The following SNX13 variants were observed in gnomAD, a reference collection of about 807,000 sequenced individuals.
The protein encoded by SNX13 is sorting nexin-13.
Under a neutral mutation model 133.6 loss-of-function variants are expected in SNX13, and 45 were observed. That is an observed-to-expected ratio of 0.34 (90% CI 0.27 to 0.43). The LOEUF (loss-of-function observed/expected upper bound fraction) is 0.43. SNX13 is among the 20% of genes least tolerant of loss of function. The pLI is 1.00. For missense variants in SNX13, 1,032 were observed against 1,145.1 expected, an observed-to-expected ratio of 0.90 and a Z score of 1.43; for synonymous variants, 414 against 373.9, an observed-to-expected ratio of 1.11 and a Z score of -1.24.
chr7:17,803,319 A>C, intron 21 of SNX13, 100 bp downstream of exon 21: 1 of 1,111,680 alleles, frequency 9.0e-7, no homozygotes, highest in African/African-American at 1.6e-5. Flanking sequence ...TTTGGAAAAG[A>C]AATAAGGTTA....
intron 15 of SNX13, chr7:17,832,289 G>T: frequency 1.0e-6 from 1 of 984,574 alleles, no homozygotes; most frequent in Non-Finnish European, 1.2e-6. Flanking sequence ...AGACAGACTG[G>T]CTAGAAAGAT....
chr7:17,826,169 T>C (rs1427649946), intron 16 of SNX13, 78 bp from the exon 17 acceptor site: 6 of 824,592 alleles, frequency 7.3e-6, no homozygotes, highest in Admixed American at 5.2e-5. Flanking sequence ...ACATCATATA[T>C]GCATTACAAT....
Position 17,793,942 on chromosome 7 carries a change from A to G in SNX13, c.*103T>C. On this transcript the variant is annotated 3_prime_UTR_variant, in exon 26 of 26. Coordinates refer to ENST00000428135, the MANE Select transcript of SNX13 (RefSeq NM_015132.5). ...TATTAATAATCTATTTTGAGACACT[A>G]AAAGACTGGTGCAGACACAACAGTA... is the stretch of plus-strand genomic sequence containing the variant. The G allele has an allele frequency of 2.3e-6, 3 of 1,295,052 alleles. No homozygotes were observed. Among genetic ancestry groups the G allele is most frequent in the Non-Finnish European group, 3.2e-6 (3 of 943,180 alleles). 80.2% of individuals were successfully genotyped at this position (1,295,052 alleles called of 1,614,324 possible). A position where few individuals can be genotyped will look rare whatever the true frequency, so the allele number is the denominator to read the frequency against.
At chr7:17,809,282 CAAAAAAAAAAAA>C (rs535077123) in intron 20 of SNX13, among the ~76,000 whole-genome samples, 3 of 49,276 alleles carry the variant, frequency 6.1e-5, no homozygotes, top group East Asian at 7.4e-4. Flanking sequence ...AGATGGAAAG[CAAAAAAAAAAAA>C]AAAAAAAAAA....
intron 5 of SNX13, chr7:17,888,624 T>G (rs1299355853): frequency 6.5e-6 from 3 of 464,318 alleles, no homozygotes; most frequent in East Asian, 1.4e-4. Context: ...AAACTTAAAT[T>G]TCTAAATTCC....
chr7:17,894,643 T>C (rs1016917528), intron 2 of SNX13, among the ~76,000 whole-genome samples: 17 of 152,208 alleles, frequency 1.1e-4, no homozygotes, highest in Non-Finnish European at 2.2e-4. Flanking sequence ...ATTGACTAAA[T>C]ATTATCAATA....
intron 9 of SNX13, among the ~76,000 whole-genome samples, chr7:17,864,785 G>GAGAAGGGGGAGGGGAAAGGGA (rs1304429730): frequency 6.7e-6 from 1 of 150,314 alleles, no homozygotes; most frequent in African/African-American, 2.4e-5. Context: ...GGAGAAGGAG[G>GAGAAGGGGGAGGGGAAAGGGA]AGAAGGGGGA....
intron 1 of SNX13, among the ~76,000 whole-genome samples, chr7:17,937,518 A>C (rs1238327598): frequency 6.6e-6 from 1 of 151,166 alleles, no homozygotes; most frequent in Non-Finnish European, 1.5e-5. Context: ...CGTCTCAAAA[A>C]AAAAAAAAAA....
chr7:17,923,860 C>T (rs1562530921), intron 1 of SNX13, among the ~76,000 whole-genome samples: 1 of 152,036 alleles, frequency 6.6e-6, no homozygotes, highest in East Asian at 1.9e-4. Flanking sequence ...TTCGACACTG[C>T]TACAAAGTAA....
At chr7:17,940,192 G>C in intron 1 of SNX13, 92 bp downstream of exon 1, 1 of 1,518,008 alleles carries the variant, frequency 6.6e-7, no homozygotes, top group African/African-American at 1.4e-5. Flanking sequence ...GAAGGGTCAG[G>C]CCCACCTTCC....
At chr7:17,849,868 C>A (rs1171458487) in intron 11 of SNX13, among the ~76,000 whole-genome samples, 1 of 152,220 alleles carries the variant, frequency 6.6e-6, no homozygotes, top group Admixed American at 6.5e-5. Context: ...CTATCTAAAC[C>A]AGTCCAAGAC....
rs549274315 is a variant in SNX13, at chr7:17,903,398, A to T, written c.13-5952T>A. Among the ~76,000 whole-genome samples the T allele has an allele frequency of 5.9e-5, 9 of 152,330 alleles. No individual in the cohort carries two copies. The South Asian group carries it at 1.9e-3, about 32-fold the overall frequency. On this transcript the variant is annotated intron_variant, in intron 1 of 25. Transcript: ENST00000428135. ...ATTTTAAAATCTAAAATGCTGTGGAAATCATACACCTCAGAACAACTTATG... is the reference window on the plus strand; with the variant it reads ...ATTTTAAAATCTAAAATGCTGTGGATATCATACACCTCAGAACAACTTATG...
chr7:17,807,792 C>A (rs1291524685), intron 20 of SNX13, among the ~76,000 whole-genome samples: 1 of 151,958 alleles, frequency 6.6e-6, no homozygotes, highest in East Asian at 1.9e-4. Flanking sequence ...CTTGGCTGCT[C>A]TGCAGCCTCT....
intron 13 of SNX13, among the ~76,000 whole-genome samples, chr7:17,839,153 T>C (rs1789548505): frequency 6.7e-6 from 1 of 149,454 alleles, no homozygotes; most frequent in African/African-American, 2.4e-5. Context: ...ACAATCATAT[T>C]ACATAAAATA....
At chr7:17,886,195 C>A (rs1040283568) in intron 5 of SNX13, among the ~76,000 whole-genome samples, 2 of 152,048 alleles carry the variant, frequency 1.3e-5, no homozygotes, top group African/African-American at 2.4e-5. Context: ...TCACAGCCAG[C>A]GAATCCTGAA....
chr7:17,794,565 T>C (rs1255658281), intron 25 of SNX13: 4 of 323,906 alleles, frequency 1.2e-5, no homozygotes, highest in Admixed American at 9.2e-5. Flanking sequence ...TCCCAAACTA[T>C]GATTACAAAC....
chr7:17,920,996 T>A (rs1800070127), intron 1 of SNX13, among the ~76,000 whole-genome samples: 1 of 152,168 alleles, frequency 6.6e-6, no homozygotes, highest in African/African-American at 2.4e-5. Context: ...AGAACAAATC[T>A]GACCAAACCT....
chr7:17,866,652 A>G (rs1793429791), intron 9 of SNX13, among the ~76,000 whole-genome samples: 1 of 152,216 alleles, frequency 6.6e-6, no homozygotes, highest in Admixed American at 6.5e-5. Context: ...ACTAAAAACA[A>G]AACAAAACAA....
At chr7:17,838,178 C>T (rs1297111344) in intron 13 of SNX13, among the ~76,000 whole-genome samples, 3 of 151,856 alleles carry the variant, frequency 2.0e-5, no homozygotes, top group Non-Finnish European at 4.4e-5. Flanking sequence ...CCTTATTAAG[C>T]AAATTATTTT....
Sources: allele counts gnomAD v4.1 joint callset (sites outside exome capture counted in the v4.1 genomes callset), GRCh38; gene constraint gnomAD v4.1.1; transcripts MANE v1.5; gene names NCBI Gene and HGNC (gene_info 2026-07-23, HGNC 2026-07-21).